The following ATP9A variants were observed in gnomAD, a reference collection of about 807,000 sequenced individuals.
ATP9A encodes the protein ATPase phospholipid transporting 9A.
ATP9A carries 52 observed loss-of-function variants against 144.1 expected under a neutral mutation model. That is an observed-to-expected ratio of 0.36 (90% CI 0.29 to 0.45). The LOEUF (loss-of-function observed/expected upper bound fraction) is 0.45. ATP9A is among the 20% of genes least tolerant of loss of function. The probability of loss-of-function intolerance (pLI) is 1.00; values close to 1 mark genes in which losing one functional copy is unlikely to be tolerated. For synonymous variants in ATP9A, 582 were observed against 557.4 expected (o/e 1.04, Z -0.62); for missense variants, 947 against 1,392.7 (o/e 0.68, Z 5.09).
At chr20:51,660,079 T>G (rs2077404796) in intron 13 of ATP9A, among the ~76,000 whole-genome samples, 1 of 151,756 alleles carries the variant, frequency 6.6e-6, no homozygotes, top group South Asian at 2.1e-4. Context: ...TCGAGAACCC[T>G]TTTTTTAAAA....
chr20:51,706,694 G>A (rs927775790), intron 4 of ATP9A, among the ~76,000 whole-genome samples: 1 of 152,220 alleles, frequency 6.6e-6, no homozygotes, highest in African/African-American at 2.4e-5. Context: ...AGACTGCAGT[G>A]AACTGTGACT....
Position 51,680,190 on chromosome 20 carries a change from A to G in ATP9A, c.800-3982T>C, listed in dbSNP as rs544567202. Among the ~76,000 whole-genome samples the G allele has an allele frequency of 4.8e-5, 7 of 147,288 alleles. No homozygotes were observed. In the East Asian group the frequency reaches 1.4e-3, roughly 30 times the overall value. ...GGTTGCAGTGAGCCAAGATCGCACCACTGCACGCCAGCCTGAGCGACAGTG... is the reference window on the plus strand; with the variant it reads ...GGTTGCAGTGAGCCAAGATCGCACCGCTGCACGCCAGCCTGAGCGACAGTG... On this transcript the variant is annotated intron_variant, in intron 9 of 27. Transcript: ENST00000338821.
At chr20:51,721,133 G>C (rs1475411657) in intron 3 of ATP9A, among the ~76,000 whole-genome samples, 1 of 152,248 alleles carries the variant, frequency 6.6e-6, no homozygotes, top group Non-Finnish European at 1.5e-5. Flanking sequence ...TCACTTGTCT[G>C]ATAACATGGC....
intron 3 of ATP9A, among the ~76,000 whole-genome samples, chr20:51,717,617 G>A (rs1193458064): frequency 7.0e-6 from 1 of 142,420 alleles, no homozygotes; most frequent in African/African-American, 2.4e-5. Context: ...AGACAGCAGA[G>A]GTGGGAGTAG....
intron 1 of ATP9A, among the ~76,000 whole-genome samples, chr20:51,754,402 C>G (rs2122909100): frequency 6.6e-6 from 1 of 152,142 alleles, no homozygotes; most frequent in Admixed American, 6.5e-5. Context: ...ACGCAGGAGG[C>G]TGAGGCAGGA....
intron 1 of ATP9A, among the ~76,000 whole-genome samples, chr20:51,750,969 A>G (rs1193386016): frequency 6.6e-6 from 1 of 151,922 alleles, no homozygotes; most frequent in African/African-American, 2.4e-5. Context: ...AGCAACACAC[A>G]TTGGGGTCTA....
chr20:51,652,286 G>A (rs1170190762), intron 14 of ATP9A, among the ~76,000 whole-genome samples: 3 of 152,218 alleles, frequency 2.0e-5, no homozygotes, highest in African/African-American at 7.2e-5. Context: ...GTAATCGATA[G>A]CTGAATAAAG....
intron 11 of ATP9A, among the ~76,000 whole-genome samples, chr20:51,672,386 C>T (rs2077459746): frequency 6.6e-6 from 1 of 152,090 alleles, no homozygotes; most frequent in Non-Finnish European, 1.5e-5. Flanking sequence ...TACTGGCTAG[C>T]CCTGGGACAA....
At chr20:51,629,424 G>T (rs1279360932) in intron 15 of ATP9A, among the ~76,000 whole-genome samples, 1 of 152,208 alleles carries the variant, frequency 6.6e-6, no homozygotes, top group Admixed American at 6.5e-5. Context: ...TCCACTGAAA[G>T]AATAGGGAAG....
At chr20:51,753,489 A>AC (rs61132616) in intron 1 of ATP9A, among the ~76,000 whole-genome samples, 5 of 149,206 alleles carry the variant, frequency 3.4e-5, no homozygotes, top group Non-Finnish European at 5.9e-5. Flanking sequence ...AACAACAACA[A>AC]ACCCACGTTC....
intron 1 of ATP9A, among the ~76,000 whole-genome samples, chr20:51,751,663 C>T (rs1282227899): frequency 2.0e-5 from 3 of 152,138 alleles, no homozygotes; most frequent in Non-Finnish European, 2.9e-5. Flanking sequence ...TCTCGGCTCA[C>T]TGCAAGCTCC....
At chr20:51,663,596 C>T (rs2077420103) in intron 13 of ATP9A, among the ~76,000 whole-genome samples, 1 of 151,952 alleles carries the variant, frequency 6.6e-6, no homozygotes, top group Non-Finnish European at 1.5e-5. Flanking sequence ...AGATCAAGAC[C>T]ATCCTGGCTA....
rs571981853 is a variant in ATP9A, at chr20:51,727,562, G to A, written c.214-1630C>T. 5.3e-5 allele frequency among the ~76,000 whole-genome samples: 8 copies of A among 151,956 alleles called. No homozygotes were observed. In the South Asian group the frequency reaches 1.7e-3, roughly 32 times the overall value. ...GATCATGTCACTGCACTCTCGCCTG[G>A]GTGACAATGAGTCCCCCACCTCAAA... On this transcript the variant is annotated intron_variant, in intron 2 of 27. Coordinates refer to ENST00000338821, the MANE Select transcript of ATP9A (RefSeq NM_006045.3).
At chr20:51,708,594 G>A (rs527335510) in intron 4 of ATP9A, among the ~76,000 whole-genome samples, 1 of 152,158 alleles carries the variant, frequency 6.6e-6, no homozygotes, top group Non-Finnish European at 1.5e-5. Context: ...AATTAGCCAG[G>A]CATGGTGGCG....
intron 13 of ATP9A, among the ~76,000 whole-genome samples, chr20:51,660,495 T>C (rs953337878): frequency 6.6e-6 from 1 of 152,228 alleles, no homozygotes; most frequent in Non-Finnish European, 1.5e-5. Flanking sequence ...AAGACTACTA[T>C]GATAGCCTGA....
intron 4 of ATP9A, among the ~76,000 whole-genome samples, chr20:51,709,377 T>A (rs1017999709): frequency 2.6e-5 from 4 of 152,190 alleles, no homozygotes; most frequent in Middle Eastern, 3.4e-3. Context: ...TAGCAGGGCA[T>A]GGTGGTGCAC....
intron 1 of ATP9A, chr20:51,734,938 G>T (rs1047073589): frequency 4.8e-6 from 1 of 210,172 alleles, no homozygotes; most frequent in Non-Finnish European, 1.0e-5. Flanking sequence ...GCTCATGCCC[G>T]CACTGCTAAG....
intron 13 of ATP9A, among the ~76,000 whole-genome samples, chr20:51,664,481 G>C (rs1397375725): frequency 6.6e-6 from 1 of 152,036 alleles, no homozygotes; most frequent in African/African-American, 2.4e-5. Context: ...CCAGCTACTT[G>C]GGAGGCTGGG....
At chr20:51,635,781 G>A (rs1045404236) in intron 15 of ATP9A, among the ~76,000 whole-genome samples, 4 of 145,358 alleles carry the variant, frequency 2.8e-5, no homozygotes, top group Non-Finnish European at 6.0e-5. Context: ...AAGAGAAAAG[G>A]AAGGAAACAG....
Sources: gnomAD v4.1 joint callset for allele counts (sites outside exome capture counted in the v4.1 genomes callset) on GRCh38, gnomAD v4.1.1 for gene constraint, MANE v1.5 for transcripts, NCBI Gene and HGNC (gene_info 2026-07-23, HGNC 2026-07-21) for gene names.